The following RIMS2 variants were observed in gnomAD, a reference collection of about 807,000 sequenced individuals.
RIMS2 encodes regulating synaptic membrane exocytosis 2.
Under a neutral mutation model 174.4 loss-of-function variants are expected in RIMS2, and 59 were observed. That is an observed-to-expected ratio of 0.34 (90% confidence interval 0.27 to 0.42). RIMS2 has a LOEUF of 0.42. Ranked by LOEUF, RIMS2 falls within the 10% of genes least tolerant of loss-of-function variation. The pLI is 1.00. For synonymous variants in RIMS2, 606 were observed against 572.5 expected (o/e 1.06, Z -0.84); for missense variants, 1,620 against 1,666.3 (o/e 0.97, Z 0.48).
chr8:104,130,389 A>G (rs765920318), intron 19 of RIMS2, among the ~76,000 whole-genome samples: 30 of 152,312 alleles, frequency 2.0e-4, no homozygotes, highest in Admixed American at 7.2e-4. Context: ...TTTCTACTCT[A>G]GTAAAAATAC....
At chr8:103,640,097 T>A (rs993799495) in intron 1 of RIMS2, among the ~76,000 whole-genome samples, 1 of 151,930 alleles carries the variant, frequency 6.6e-6, no homozygotes, top group Non-Finnish European at 1.5e-5. Flanking sequence ...AAAATAGACA[T>A]AGACCTCTCC....
chr8:104,061,131 C>T (rs1011269127), intron 19 of RIMS2, among the ~76,000 whole-genome samples: 5 of 152,062 alleles, frequency 3.3e-5, no homozygotes. Flanking sequence ...TCCTTGTTAA[C>T]TTTCTGTCTC....
exon 23 of RIMS2, chr8:104,251,094 A>G (rs2099357730): frequency 6.2e-7 from 1 of 1,613,650 alleles, no homozygotes; most frequent in Non-Finnish European, 8.5e-7. Context: ...AAGTGGCAAG[A>G]AAAACGCTGG....
chr8:103,876,864 T>TTATATATATATATATATATATATATA (rs199997824), intron 3 of RIMS2, among the ~76,000 whole-genome samples: 2 of 68,100 alleles, frequency 2.9e-5, no homozygotes, highest in Non-Finnish European at 3.1e-5. Flanking sequence ...ACACACTATT[T>TTATATATATATATATATATATATATA]TATATATATA....
chr8:103,552,357 C>T (rs1213547401), intron 1 of RIMS2, among the ~76,000 whole-genome samples: 3 of 152,120 alleles, frequency 2.0e-5, no homozygotes, highest in African/African-American at 7.2e-5. Flanking sequence ...GAAAGGATGC[C>T]CTGTTTAATA....
chr8:104,130,333 C>A (rs2098464629), intron 19 of RIMS2, among the ~76,000 whole-genome samples: 1 of 152,212 alleles, frequency 6.6e-6, no homozygotes, highest in South Asian at 2.1e-4. Flanking sequence ...TGCTGCATAA[C>A]CGCTGCCCAG....
chr8:103,629,047 C>T (rs901278260), intron 1 of RIMS2, among the ~76,000 whole-genome samples: 3 of 152,114 alleles, frequency 2.0e-5, no homozygotes, highest in Non-Finnish European at 4.4e-5. Context: ...GAGAGAGGCC[C>T]CTGTTCCCAG....
intron 2 of RIMS2, among the ~76,000 whole-genome samples, chr8:103,739,264 C>T (rs914743017): frequency 2.6e-5 from 4 of 152,108 alleles, no homozygotes; most frequent in African/African-American, 4.8e-5. Context: ...TCATTCTCAG[C>T]AAACTATCGC....
At chr8:103,902,025 TC>T (rs942860661) in intron 4 of RIMS2, among the ~76,000 whole-genome samples, 1 of 152,188 alleles carries the variant, frequency 6.6e-6, no homozygotes, top group Non-Finnish European at 1.5e-5. Flanking sequence ...AAGCTAGGTT[TC>T]CTACAGTTAC....
chr8:103,889,549 T>C (rs2099229167), intron 4 of RIMS2, among the ~76,000 whole-genome samples: 1 of 151,832 alleles, frequency 6.6e-6, no homozygotes, highest in South Asian at 2.1e-4. Context: ...TAGTACATCA[T>C]AGCTTCTACT....
intron 19 of RIMS2, among the ~76,000 whole-genome samples, chr8:104,096,794 G>A (rs2130675895): frequency 6.6e-6 from 1 of 151,892 alleles, no homozygotes; most frequent in South Asian, 2.1e-4. Flanking sequence ...CTTGAACCCA[G>A]GAGGTGGAGG....
chr8:104,132,604 T>C (rs2098482267), intron 19 of RIMS2, among the ~76,000 whole-genome samples: 1 of 152,164 alleles, frequency 6.6e-6, no homozygotes, highest in Non-Finnish European at 1.5e-5. Context: ...AAACCTCTGA[T>C]GGTAGGTGTT....
At chr8:103,815,258 CTG>C (rs953399920) in intron 3 of RIMS2, among the ~76,000 whole-genome samples, 1 of 152,114 alleles carries the variant, frequency 6.6e-6, no homozygotes, top group African/African-American at 2.4e-5. Context: ...TGGTATGAGA[CTG>C]TGCGTTTTTT....
intron 3 of RIMS2, among the ~76,000 whole-genome samples, chr8:103,871,651 G>A (rs2099112592): frequency 6.6e-6 from 1 of 151,832 alleles, no homozygotes; most frequent in South Asian, 2.1e-4. Flanking sequence ...GCTCTGACGT[G>A]TTCTGATTTC....
intron 14 of RIMS2, among the ~76,000 whole-genome samples, chr8:103,951,900 G>A (rs893617872): frequency 4.6e-5 from 7 of 152,184 alleles, no homozygotes; most frequent in Non-Finnish European, 1.0e-4. Context: ...TACCTGGGAC[G>A]CTTGAGCTTG....
chr8:103,955,780 G>T (rs1456728497), intron 14 of RIMS2, among the ~76,000 whole-genome samples: 1 of 152,148 alleles, frequency 6.6e-6, no homozygotes, highest in Admixed American at 6.6e-5. Context: ...GAAACAAAGG[G>T]TACTCAAGTA....
At chr8:103,530,404 C>T (rs909144516) in intron 1 of RIMS2, among the ~76,000 whole-genome samples, 14 of 151,992 alleles carry the variant, frequency 9.2e-5, no homozygotes, top group South Asian at 6.2e-4. Flanking sequence ...GATTTGACCA[C>T]GAATCTGTTA....
intron 19 of RIMS2, among the ~76,000 whole-genome samples, chr8:104,233,259 G>A (rs762749208): frequency 2.6e-5 from 4 of 152,122 alleles, no homozygotes; most frequent in African/African-American, 4.8e-5. Context: ...CCGGCTGGTC[G>A]AAATCTAGAA....
At chr8:103,840,436 T>A (rs948558604) in intron 3 of RIMS2, among the ~76,000 whole-genome samples, 2 of 152,168 alleles carry the variant, frequency 1.3e-5, no homozygotes, top group Admixed American at 1.3e-4. Context: ...TGGGTTGTGG[T>A]AATTCATTTA....
Sources: allele counts gnomAD v4.1 joint callset (sites outside exome capture counted in the v4.1 genomes callset), GRCh38; gene constraint gnomAD v4.1.1; transcripts MANE v1.5; gene names NCBI Gene and HGNC (gene_info 2026-07-23, HGNC 2026-07-21).